The following NENF variants were observed in gnomAD, a reference collection of about 807,000 sequenced individuals.
NENF encodes the protein neudesin neurotrophic factor.
In NENF, 6 loss-of-function variants were observed where a neutral mutation model predicts 14.8. The observed-to-expected ratio is 0.40, with a 90% confidence interval of 0.22 to 0.80. The LOEUF is 0.80. Among genes scored for constraint, NENF ranks in the 30% least tolerant of loss-of-function variants. The pLI is 0.34. For missense variants in NENF, 184 were observed against 212.7 expected (o/e 0.87, Z 0.84); for synonymous variants, 76 against 95.1 (o/e 0.80, Z 1.17).
chr1:212,434,837 T>C (rs1034844149), intron 1 of NENF: 3 of 151,000 alleles, frequency 2.0e-5, no homozygotes, highest in African/African-American at 7.4e-5. Flanking sequence ...CCCTTGGTTT[T>C]TTGATGTTGA....
At position 212,433,604 on chromosome 1, in the gene NENF, C is replaced by T. The variant is rs1370212757; in HGVS notation, c.177+484C>T. Reference sequence around the variant, plus strand: ...GCACTTCCTTTTCCTGCCCCTGTATCCCAGGCCTCTGCATCGGACTCCTCA... The same window carrying T: ...GCACTTCCTTTTCCTGCCCCTGTATTCCAGGCCTCTGCATCGGACTCCTCA... On this transcript the variant is annotated intron_variant, in intron 1 of 3. Coordinates refer to ENST00000366988, the MANE Select transcript of NENF (RefSeq NM_013349.5). This position sits in a 1 kb window ranked among gnomAD's most constrained non-coding sequence, Gnocchi z 5.5. Among the ~76,000 whole-genome samples the T allele has an allele frequency of 3.3e-5, 5 of 151,968 alleles. No homozygotes were observed. Among genetic ancestry groups the T allele is most frequent in the African/African-American group, 1.2e-4 (5 of 41,374 alleles).
At chr1:212,435,907 C>T (rs1662594837) in intron 1 of NENF, among the ~76,000 whole-genome samples, 1 of 152,064 alleles carries the variant, frequency 6.6e-6, no homozygotes, top group South Asian at 2.1e-4. Context: ...TCGATTACCA[C>T]GTATTTTGTA....
intron 2 of NENF, among the ~76,000 whole-genome samples, chr1:212,443,391 C>T (rs1276913518): frequency 6.6e-6 from 1 of 152,060 alleles, no homozygotes; most frequent in African/African-American, 2.4e-5. Context: ...GAAGAGGGAA[C>T]ATTTTTCTTG....
At chr1:212,444,054 A>T (rs7519771) in intron 2 of NENF, among the ~76,000 whole-genome samples, 1 of 151,676 alleles carries the variant, frequency 6.6e-6, no homozygotes, top group South Asian at 2.1e-4. Context: ...TGTCAAAAAA[A>T]AACAACAACA....
At chr1:212,438,762 A>G (rs1225544739) in intron 1 of NENF, among the ~76,000 whole-genome samples, 7 of 151,810 alleles carry the variant, frequency 4.6e-5, no homozygotes, top group Non-Finnish European at 8.8e-5. Flanking sequence ...GATTACAGGC[A>G]CCTGCCACCA....
At chr1:212,444,947 A>T (rs1022529454) in intron 3 of NENF, among the ~76,000 whole-genome samples, 3 of 152,160 alleles carry the variant, frequency 2.0e-5, no homozygotes, top group Non-Finnish European at 4.4e-5. Flanking sequence ...TCTGTGAAGG[A>T]GAAGATAGCA....
At chr1:212,440,918 G>A (rs1223222621) in intron 1 of NENF, among the ~76,000 whole-genome samples, 2 of 152,174 alleles carry the variant, frequency 1.3e-5, no homozygotes, top group Non-Finnish European at 2.9e-5. Context: ...TCCCACCCTC[G>A]CCTGGGCTGT....
chr1:212,434,383 C>T (rs1662571953), intron 1 of NENF, among the ~76,000 whole-genome samples: 1 of 152,188 alleles, frequency 6.6e-6, no homozygotes, highest in Non-Finnish European at 1.5e-5. Context: ...TAACGGTGGA[C>T]TCACTTGCCT....
chr1:212,440,439 T>C (rs957066559), intron 1 of NENF, among the ~76,000 whole-genome samples: 8 of 151,954 alleles, frequency 5.3e-5, no homozygotes, highest in African/African-American at 1.9e-4. Context: ...AGGCGGTAAA[T>C]CATCACAAAG....
chr1:212,445,577 G>A (rs1662765117), intron 3 of NENF, among the ~76,000 whole-genome samples: 2 of 152,148 alleles, frequency 1.3e-5, no homozygotes, highest in Admixed American at 1.3e-4. Flanking sequence ...ATGCTCTCTG[G>A]AGTCTTTCAT....
At chr1:212,438,981 T>G (rs1333929732) in intron 1 of NENF, among the ~76,000 whole-genome samples, 1 of 152,050 alleles carries the variant, frequency 6.6e-6, no homozygotes, top group Non-Finnish European at 1.5e-5. Context: ...TTCTCAGTTG[T>G]CATTTCCCAG....
rs561876616 is a variant in NENF at position 212,433,754 on chromosome 1, A to G, written c.177+634A>G. Among the ~76,000 whole-genome samples, 2 of 150,460 alleles carry G rather than the reference A, an allele frequency of 1.3e-5. No individual in the cohort carries two copies. Among genetic ancestry groups the G allele is most frequent in the African/African-American group, 4.9e-5 (2 of 41,098 alleles). On this transcript the variant is annotated intron_variant, in intron 1 of 3. Transcript: ENST00000366988. The surrounding 1 kb of genome is among the most constrained non-coding windows in gnomAD (Gnocchi z 5.5). Reference sequence around the variant, plus strand: ...CACGTCAATAGAGACCCCCCCGCCCACACACACCCACACACGTCAATAGTC... The same window carrying G: ...CACGTCAATAGAGACCCCCCCGCCCGCACACACCCACACACGTCAATAGTC...
At chr1:212,436,554 C>T (rs563439073) in intron 1 of NENF, among the ~76,000 whole-genome samples, 4 of 152,198 alleles carry the variant, frequency 2.6e-5, no homozygotes, top group South Asian at 4.1e-4. Context: ...GTGATCCACC[C>T]GTCTCAGCCT....
At chr1:212,437,786 T>C (rs954754756) in intron 1 of NENF, among the ~76,000 whole-genome samples, 2 of 152,208 alleles carry the variant, frequency 1.3e-5, no homozygotes, top group Admixed American at 1.3e-4. Context: ...CTCAGAGTGA[T>C]CCAAGGCTCC....
intron 1 of NENF, among the ~76,000 whole-genome samples, chr1:212,442,345 A>T (rs182960203): frequency 2.4e-4 from 37 of 152,352 alleles, no homozygotes; most frequent in African/African-American, 8.7e-4. Flanking sequence ...GAATTGCCAC[A>T]TTCTTGTCAT....
At chr1:212,445,744 A>T (rs902916967) in intron 3 of NENF, 86 bp from the exon 4 acceptor site, 22 of 1,158,264 alleles carry the variant, frequency 1.9e-5, no homozygotes, top group Non-Finnish European at 2.6e-5. Context: ...GGGATGTGGG[A>T]GGCAAGGCAG....
At chr1:212,444,178 G>T (rs66912346) in intron 2 of NENF, among the ~76,000 whole-genome samples, 161 bp from the exon 3 acceptor site, 37,588 of 152,194 alleles carry the variant, frequency 0.25, 4,901 homozygotes, top group Non-Finnish European at 0.28. Flanking sequence ...TGATGGCTGG[G>T]GTGGCTTACT....
intron 1 of NENF, among the ~76,000 whole-genome samples, chr1:212,439,442 T>C (rs1419588275): frequency 6.6e-6 from 1 of 150,946 alleles, no homozygotes; most frequent in Non-Finnish European, 1.5e-5. Flanking sequence ...CTCGGGACAC[T>C]GAGGCAGGAG....
chr1:212,437,269 C>T (rs1662616794), intron 1 of NENF, among the ~76,000 whole-genome samples: 1 of 152,116 alleles, frequency 6.6e-6, no homozygotes. Flanking sequence ...CTACGTTAGT[C>T]TTTATCCCAT....
Sources: allele counts gnomAD v4.1 joint callset (sites outside exome capture counted in the v4.1 genomes callset), GRCh38; gene constraint gnomAD v4.1.1; non-coding constraint Gnocchi (gnomAD v3.1); transcripts MANE v1.5; gene names NCBI Gene and HGNC (gene_info 2026-07-23, HGNC 2026-07-21).